LYRM4: variants seen among roughly 807,000 people sequenced by gnomAD.
LYRM4 encodes LYR motif-containing protein 4.
LYRM4 carries 9 observed loss-of-function variants against 11.7 expected under a neutral mutation model. That is an observed-to-expected ratio of 0.77 (90% CI 0.46 to 1.34). LYRM4 has a LOEUF of 1.34. LYRM4 is among the 40% of genes most tolerant of loss of function. The pLI is 0.00. For missense variants in LYRM4, 133 were observed against 112.5 expected (o/e 1.18, Z -0.82); for synonymous variants, 42 against 40.4 (o/e 1.04, Z -0.15).
chr6:5,233,356 C>T (rs73363073), intron 1 of LYRM4, among the ~76,000 whole-genome samples: 13,712 of 152,268 alleles, frequency 0.09, 770 homozygotes, highest in African/African-American at 0.15. Flanking sequence ...AGAAGAAACA[C>T]AGCACCTTAT....
chr6:5,161,756 C>G (rs550900162), intron 2 of LYRM4, among the ~76,000 whole-genome samples: 1 of 152,146 alleles, frequency 6.6e-6, no homozygotes, highest in South Asian at 2.1e-4. Flanking sequence ...GACATACTTG[C>G]GTTACGCTCA....
chr6:5,120,425 C>A (rs1473030800), intron 2 of LYRM4, among the ~76,000 whole-genome samples: 1 of 152,170 alleles, frequency 6.6e-6, no homozygotes, highest in Non-Finnish European at 1.5e-5. Context: ...TCTCTGACTT[C>A]AGGAATGAAG....
chr6:5,088,786 T>C, the LYRM4 span: 3 of 152,230 alleles, frequency 2.0e-5, no homozygotes, highest in African/African-American at 7.2e-5. Flanking sequence ...TCAGTAATCT[T>C]GTTTAGAATA....
At chr6:5,073,740 C>T in the LYRM4 span, among the ~76,000 whole-genome samples, 2 of 152,042 alleles carry the variant, frequency 1.3e-5, no homozygotes, top group Non-Finnish European at 2.9e-5. Flanking sequence ...TCTTAAGACA[C>T]AACAGCTGGA....
chr6:5,157,049 T>C (rs1758455420), intron 2 of LYRM4, among the ~76,000 whole-genome samples: 1 of 152,218 alleles, frequency 6.6e-6, no homozygotes, highest in Admixed American at 6.5e-5. Flanking sequence ...AATTTCCCCC[T>C]TCGAGTCAGA....
At chr6:5,200,242 T>C (rs1761309427) in intron 2 of LYRM4, among the ~76,000 whole-genome samples, 1 of 152,172 alleles carries the variant, frequency 6.6e-6, no homozygotes, top group Non-Finnish European at 1.5e-5. Context: ...TAGCAAACCC[T>C]TAGCTGCACT....
At chr6:5,056,240 A>T in the LYRM4 span, among the ~76,000 whole-genome samples, 1 of 152,282 alleles carries the variant, frequency 6.6e-6, no homozygotes, top group Admixed American at 6.5e-5. Context: ...TCTGCATTCA[A>T]CCAGTTGTGA....
chr6:5,255,035 C>T (rs941196600), intron 1 of LYRM4, among the ~76,000 whole-genome samples: 1 of 152,172 alleles, frequency 6.6e-6, no homozygotes, highest in East Asian at 1.9e-4. Flanking sequence ...ACATTGCCCT[C>T]TTTATGAACT....
chr6:5,234,518 G>A lies in LYRM4; in HGVS notation c.87-17780C>T, dbSNP rs1763424854. On this transcript the variant is annotated intron_variant, in intron 1 of 2. Transcript: ENST00000330636. The stretch of plus-strand genomic sequence containing the variant: ...TGCTCTGAGAACAGAGAAAGAGGGA[G>A]TAACTCAGCCAGGGGCTTTGAGAAG... Among the ~76,000 whole-genome samples the A allele has an allele frequency of 2.6e-5, 4 of 152,350 alleles. No individual in the cohort carries two copies. The South Asian group carries it at 8.3e-4, about 32-fold the overall frequency.
chr6:5,112,133 G>C (rs1039943493), intron 2 of LYRM4, among the ~76,000 whole-genome samples: 2 of 152,158 alleles, frequency 1.3e-5, no homozygotes, highest in Non-Finnish European at 2.9e-5. Flanking sequence ...CCACCCGTTC[G>C]CTGCCTGCAG....
rs139570941 is a variant in LYRM4, at chr6:5,192,300, C to T, written c.207+24318G>A. 1.9e-3 allele frequency among the ~76,000 whole-genome samples: 287 copies of T among 152,074 alleles called. 4 individuals carry two copies. The highest frequency in any genetic ancestry group is 0.014 in the Middle Eastern group (4 of 294). On this transcript the variant is annotated intron_variant, in intron 2 of 2. Transcript: ENST00000330636. ...GGAGGGACCCTGTGTGGGTAGAGAA[C>T]GGCTGGGGGCAAGGCAGGAGGCCAG... is the stretch of plus-strand genomic sequence containing the variant.
the LYRM4 span, among the ~76,000 whole-genome samples, chr6:5,038,384 C>T: frequency 4.6e-5 from 3 of 65,310 alleles, no homozygotes; most frequent in African/African-American, 1.3e-4. Flanking sequence ...CGGGCAGAGA[C>T]GCTCCTCACC....
chr6:5,258,158 C>A (rs900295529), intron 1 of LYRM4, among the ~76,000 whole-genome samples: 1 of 152,178 alleles, frequency 6.6e-6, no homozygotes, highest in Non-Finnish European at 1.5e-5. Context: ...ACAGGATGCA[C>A]ATGTGGGACT....
chr6:5,204,570 T>C (rs1761580602), intron 2 of LYRM4, among the ~76,000 whole-genome samples: 1 of 152,202 alleles, frequency 6.6e-6, no homozygotes, highest in Non-Finnish European at 1.5e-5. Context: ...GCAGACTCAC[T>C]GAGCGCTAGT....
At chr6:5,145,985 T>C (rs1358845777) in intron 2 of LYRM4, among the ~76,000 whole-genome samples, 1 of 152,202 alleles carries the variant, frequency 6.6e-6, no homozygotes, top group Non-Finnish European at 1.5e-5. Flanking sequence ...GCCTCTACGA[T>C]CAACTCTGCA....
At chr6:5,037,559 GGGCTCCT>G in the LYRM4 span, among the ~76,000 whole-genome samples, 1 of 75,710 alleles carries the variant, frequency 1.3e-5, no homozygotes, top group African/African-American at 3.7e-5. Context: ...CCGGGCAGAG[GGGCTCCT>G]CACTTCCCAG....
intron 2 of LYRM4, among the ~76,000 whole-genome samples, chr6:5,109,911 G>A (rs1762802445): frequency 6.6e-6 from 1 of 152,176 alleles, no homozygotes; most frequent in Non-Finnish European, 1.5e-5. Context: ...CTATGCTGGG[G>A]TAGGAAAAGC....
At chr6:5,102,289 A>G (rs438298), downstream of LYRM4, among the ~76,000 whole-genome samples, 66,173 of 151,878 alleles carry the variant, frequency 0.44, 16,626 homozygotes, top group East Asian at 0.8. Flanking sequence ...TGAATGGAAG[A>G]GTGTCTTTGG....
chr6:5,052,188 A>C, the LYRM4 span, among the ~76,000 whole-genome samples: 1 of 152,156 alleles, frequency 6.6e-6, no homozygotes, highest in Non-Finnish European at 1.5e-5. Context: ...AAAAATAAAG[A>C]TCTCTGGCAA....
Sources: allele counts gnomAD v4.1 joint callset (sites outside exome capture counted in the v4.1 genomes callset), GRCh38; gene constraint gnomAD v4.1.1; transcripts MANE v1.5; gene names NCBI Gene and HGNC (gene_info 2026-07-23, HGNC 2026-07-21).